The following BLTP3A variants were observed in gnomAD, a reference collection of about 807,000 sequenced individuals.
BLTP3A encodes ICBP90 binding protein 1.
chr6:34,857,672 G>A, the BLTP3A span: 4 of 1,552,368 alleles, frequency 2.6e-6, no homozygotes, highest in Non-Finnish European at 3.5e-6. Context: ...GGTAGTAAGA[G>A]CCTAGCTATT....
chr6:34,807,543 T>C, the BLTP3A span, among the ~76,000 whole-genome samples: 3 of 152,378 alleles, frequency 2.0e-5, no homozygotes, highest in Non-Finnish European at 4.4e-5. Context: ...GCAAGGCTAC[T>C]GTTGCGAATT....
chr6:34,811,189 T>C, the BLTP3A span, among the ~76,000 whole-genome samples: 1 of 152,178 alleles, frequency 6.6e-6, no homozygotes, highest in African/African-American at 2.4e-5. Context: ...ATTGTTGATA[T>C]GTGAGGTCTC....
At chr6:34,871,103 G>T in the BLTP3A span, 16 of 1,613,680 alleles carry the variant, frequency 9.9e-6, no homozygotes, top group Non-Finnish European at 1.0e-5. Context: ...CTGAACTCCA[G>T]CATCACCCTA....
At chr6:34,836,778 G>T in the BLTP3A span, among the ~76,000 whole-genome samples, 1 of 152,164 alleles carries the variant, frequency 6.6e-6, no homozygotes, top group African/African-American at 2.4e-5. Flanking sequence ...ATTTGGGTCA[G>T]TTTAAATATT....
chr6:34,856,413 G>A, the BLTP3A span: 1 of 1,613,266 alleles, frequency 6.2e-7, no homozygotes, highest in African/African-American at 1.3e-5. Flanking sequence ...AAAGCAGGTG[G>A]GTTATGAGGA....
the BLTP3A span, among the ~76,000 whole-genome samples, chr6:34,851,366 A>G: frequency 2.6e-5 from 4 of 152,162 alleles, no homozygotes; most frequent in Non-Finnish European, 4.4e-5. Flanking sequence ...ATCAAGGGAC[A>G]CCCCAAGCCC....
chr6:34,823,773 G>A, the BLTP3A span, among the ~76,000 whole-genome samples: 1 of 149,056 alleles, frequency 6.7e-6, no homozygotes, highest in Non-Finnish European at 1.5e-5. Flanking sequence ...GGCTTTAAGC[G>A]ATCCTCCCAC....
At chr6:34,834,348 C>T in the BLTP3A span, 2 of 1,613,996 alleles carry the variant, frequency 1.2e-6, no homozygotes, top group South Asian at 1.1e-5. Context: ...AGTGTCAACC[C>T]CAACTGGCAG....
At chr6:34,798,058 T>G in the BLTP3A span, among the ~76,000 whole-genome samples, 1 of 152,214 alleles carries the variant, frequency 6.6e-6, no homozygotes, top group Admixed American at 6.5e-5. Flanking sequence ...CCCTGCCCTG[T>G]GTCTCCTTCC....
the BLTP3A span, among the ~76,000 whole-genome samples, chr6:34,862,833 CA>C: frequency 0.023 from 2,408 of 105,536 alleles, 25 homozygotes; most frequent in Middle Eastern, 0.038. Flanking sequence ...GACTCCATCT[CA>C]AAAAAAAAAA....
At chr6:34,856,128 C>T in the BLTP3A span, 3 of 1,345,316 alleles carry the variant, frequency 2.2e-6, no homozygotes, top group South Asian at 2.9e-5. Context: ...GAGATTTCTG[C>T]ACTGTGGGTG....
At chr6:34,843,639 A>G in the BLTP3A span, among the ~76,000 whole-genome samples, 11 of 152,314 alleles carry the variant, frequency 7.2e-5, no homozygotes, top group African/African-American at 2.6e-4. Context: ...TAAATGTACA[A>G]TAAATTATTG....
the BLTP3A span, among the ~76,000 whole-genome samples, chr6:34,792,761 T>C: frequency 1.3e-5 from 2 of 152,236 alleles, no homozygotes; most frequent in Admixed American, 1.3e-4. Flanking sequence ...CTGACCGCCC[T>C]CCTCTCCCAG....
chr6:34,795,587 G>A, the BLTP3A span, among the ~76,000 whole-genome samples: 2 of 141,624 alleles, frequency 1.4e-5, no homozygotes, highest in African/African-American at 5.3e-5. Flanking sequence ...TTTTTTAGTA[G>A]AGACAGGGTT....
chr6:34,845,878 T>A, the BLTP3A span, among the ~76,000 whole-genome samples: 1 of 152,150 alleles, frequency 6.6e-6, no homozygotes, highest in East Asian at 1.9e-4. Flanking sequence ...ATTACAGGCG[T>A]GAGCCACCGC....
chr6:34,792,141 C>A, the BLTP3A span: 1 of 1,003,726 alleles, frequency 1.0e-6, no homozygotes, highest in Non-Finnish European at 1.3e-6. Context: ...GCGGCGGCGG[C>A]TGTGTCCGGT....
At chr6:34,870,586 A>G in the BLTP3A span, among the ~76,000 whole-genome samples, 1 of 152,206 alleles carries the variant, frequency 6.6e-6, no homozygotes, top group African/African-American at 2.4e-5. Context: ...TAACAAGGCC[A>G]ATCCTTAATC....
At chr6:34,796,074 A>C in the BLTP3A span, among the ~76,000 whole-genome samples, 1 of 152,166 alleles carries the variant, frequency 6.6e-6, no homozygotes, top group East Asian at 1.9e-4. Flanking sequence ...CCCAAACCTG[A>C]TGGGGAAAGA....
At chr6:34,800,491 G>T in the BLTP3A span, among the ~76,000 whole-genome samples, 6 of 152,146 alleles carry the variant, frequency 3.9e-5, no homozygotes, top group Admixed American at 1.3e-4. Flanking sequence ...GAGTAATGGG[G>T]GTTGTAGGGA....
Sources: allele counts gnomAD v4.1 joint callset (sites outside exome capture counted in the v4.1 genomes callset), GRCh38; gene constraint gnomAD v4.1.1; transcripts MANE v1.5; gene names NCBI Gene and HGNC (gene_info 2026-07-23, HGNC 2026-07-21).